The following SPINK5 variants were observed in gnomAD, a reference collection of about 807,000 sequenced individuals.
The protein encoded by SPINK5 is serine protease inhibitor Kazal-type 5.
Under a neutral mutation model 151.8 loss-of-function variants are expected in SPINK5, and 125 were observed. That is an observed-to-expected ratio of 0.82 (90% confidence interval 0.71 to 0.96). The LOEUF (loss-of-function observed/expected upper bound fraction) is 0.96. SPINK5 is among the 40% of genes least tolerant of loss of function. The probability of loss-of-function intolerance (pLI) is 0.00; values close to 1 mark genes in which losing one functional copy is unlikely to be tolerated. For missense variants in SPINK5, 1,194 were observed against 1,291.9 expected (o/e 0.92, Z 1.16); for synonymous variants, 374 against 395.3 (o/e 0.95, Z 0.64).
At chr5:148,067,027 G>T (rs953494098) in intron 2 of SPINK5, among the ~76,000 whole-genome samples, 1 of 152,126 alleles carries the variant, frequency 6.6e-6, no homozygotes, top group Non-Finnish European at 1.5e-5. Context: ...AGTAGCTTGG[G>T]TTCCTTTCAG....
Position 148,120,324 on chromosome 5 carries a change from AAG to A in SPINK5, c.2474_2475del (p.Glu825GlyfsTer2). On this transcript the variant is annotated frameshift_variant, in exon 26 of 33. Transcript: ENST00000256084. LOFTEE classifies it high-confidence loss of function. ...AGGGAAGCAGCTGAAAAAAAAAAGA[AAG>A]AGGATGAAGACAGGAGCAATACAGG... 6.2e-7 allele frequency: 1 copy of A among 1,605,130 alleles called. No individual in the cohort carries two copies.
At chr5:148,136,244 G>T (rs967443689) in intron 32 of SPINK5, among the ~76,000 whole-genome samples, 3 of 152,112 alleles carry the variant, frequency 2.0e-5, no homozygotes, top group Admixed American at 6.6e-5. Flanking sequence ...ATATTATTTT[G>T]TGAGATAAAT....
At chr5:148,071,666 G>A (rs1022930851) in intron 3 of SPINK5, among the ~76,000 whole-genome samples, 4 of 78,738 alleles carry the variant, frequency 5.1e-5, no homozygotes, top group African/African-American at 3.5e-4. Context: ...AATTATGTTA[G>A]AATAAAATTT....
At chr5:148,099,150 G>A (rs1475299274) in intron 11 of SPINK5, 84 bp from the exon 12 acceptor site, 10 of 1,286,222 alleles carry the variant, frequency 7.8e-6, no homozygotes, top group African/African-American at 1.5e-5. Context: ...TAAGGAGGGA[G>A]AACAGTTAAC....
rs1032490275 is a variant in SPINK5, at chr5:148,136,197, A to G, written c.3187-786A>G. 2.0e-5 allele frequency among the ~76,000 whole-genome samples: 3 copies of G among 152,298 alleles called. No individual in the cohort carries two copies. The East Asian group carries it at 5.8e-4, about 29-fold the overall frequency. On this transcript the variant is annotated intron_variant, in intron 32 of 32. Coordinates refer to ENST00000256084, the MANE Select transcript of SPINK5 (RefSeq NM_006846.4). ...TATCTCAATTAAAAGATGATTTGCT[A>G]TATTGGAAGGAAATTTCTATATTAA...
At chr5:148,083,639 T>C (rs192687570) in intron 4 of SPINK5, among the ~76,000 whole-genome samples, 32 of 151,706 alleles carry the variant, frequency 2.1e-4, no homozygotes, top group Admixed American at 9.8e-4. Flanking sequence ...GTTAATCCAC[T>C]CTCCATATAT....
At position 148,094,375 on chromosome 5, in the gene SPINK5, A is replaced by C. The variant is rs1753397618; in HGVS notation, c.688A>C (p.Lys230Gln). 1.9e-6 allele frequency: 3 copies of C among 1,612,598 alleles called. No individual in the cohort carries two copies. Among genetic ancestry groups the C allele is most frequent in the Non-Finnish European group, 8.5e-7 (1 of 1,178,950 alleles). Residue 230 changes from lysine to glutamine, a missense_variant, in exon 9 of 33, where the codon AAA becomes CAA. Physicochemically the swap from Lys to Gln is moderately conservative, Grantham distance 53 (BLOSUM62 1). Transcript: ENST00000256084. The part of the protein sequence containing the change: ...AEKDFCKEYE[K>Q]QVRNGRLFCT... Reference sequence around the variant, plus strand: ...AAAGGATTTTTGCAAGGAATATGAAAAACAAGTGAGAAATGGAAGGCTTTT... The same window carrying C: ...AAAGGATTTTTGCAAGGAATATGAACAACAAGTGAGAAATGGAAGGCTTTT...
intron 13 of SPINK5, 27 bp from the exon 14 acceptor site, chr5:148,101,328 T>G: frequency 6.6e-7 from 1 of 1,506,170 alleles, no homozygotes; most frequent in Non-Finnish European, 9.2e-7. Flanking sequence ...GATTTTTACT[T>G]ATCTCTTCTT....
rs1459622786 is a variant in SPINK5, at chr5:148,082,898, C to T, written c.283-3507C>T. Among the ~76,000 whole-genome samples the T allele has an allele frequency of 1.5e-4, 2 of 13,780 alleles. 1 individual carries two copies. The highest frequency in any genetic ancestry group is 2.1e-4 in the Non-Finnish European group (2 of 9,350). 9.0% of individuals were successfully genotyped at this position (13,780 alleles called of 152,430 possible). A position where few individuals can be genotyped will look rare whatever the true frequency, so the allele number is the denominator to read the frequency against. On this transcript the variant is annotated intron_variant, in intron 4 of 32. Coordinates refer to ENST00000256084, the MANE Select transcript of SPINK5 (RefSeq NM_006846.4). ...TGCTGGGATTACAGGCGTGAGCCAC[C>T]GCGCCCGGCCTATATATTCTTAAAA...
At chr5:148,117,885 T>C (rs1389641125) in intron 22 of SPINK5, among the ~76,000 whole-genome samples, 1 of 152,200 alleles carries the variant, frequency 6.6e-6, no homozygotes, top group Non-Finnish European at 1.5e-5. Context: ...AATTCAGTCA[T>C]ATTTATAATT....
At chr5:148,069,485 G>GAGAGAA (rs1752679506) in intron 2 of SPINK5, among the ~76,000 whole-genome samples, 1 of 151,936 alleles carries the variant, frequency 6.6e-6, no homozygotes, top group East Asian at 1.9e-4. Context: ...GAGAGAAAGA[G>GAGAGAA]AGAGAAAGAG....
Position 148,111,968 on chromosome 5 carries a change from A to G in SPINK5, c.1820+73A>G, listed in dbSNP as rs947417169. 10 of 1,610,382 alleles carry G rather than the reference A, an allele frequency of 6.2e-6. No individual in the cohort carries two copies. In the African/African-American group the frequency reaches 8.0e-5, roughly 13 times the overall value. On this transcript the variant is annotated intron_variant, in intron 19 of 32. Coordinates refer to ENST00000256084, the MANE Select transcript of SPINK5 (RefSeq NM_006846.4). ...GCATCGGGTGGGCAAGAGGGGTGAC[A>G]TTGGAAGTTTTCTCCAGGAGATAGA...
rs368396254 is a variant in SPINK5 at position 148,076,690 on chromosome 5, A to T, written c.282+4470A>T. 2.6e-4 allele frequency among the ~76,000 whole-genome samples: 39 copies of T among 151,826 alleles called. No individual in the cohort carries two copies. In the South Asian group the frequency reaches 7.9e-3, roughly 31 times the overall value. ...AAAAATGTATTCAGGATACTAAAAA[A>T]AATCATGTTTGAGGGTTCACAAGAA... On this transcript the variant is annotated intron_variant, in intron 4 of 32. Coordinates refer to ENST00000256084, the MANE Select transcript of SPINK5 (RefSeq NM_006846.4).
chr5:148,124,660 G>GTGTT (rs1754381361), intron 27 of SPINK5, 105 bp from the exon 28 acceptor site: 4 of 804,082 alleles, frequency 5.0e-6, no homozygotes, highest in South Asian at 4.7e-5. Flanking sequence ...TAAGAAAACA[G>GTGTT]TGTTAGATTT....
intron 4 of SPINK5, among the ~76,000 whole-genome samples, chr5:148,078,572 A>G (rs577299740): frequency 6.6e-6 from 1 of 150,934 alleles, no homozygotes; most frequent in African/African-American, 2.4e-5. Context: ...TATTAAAATC[A>G]TATATAGTAT....
At chr5:148,118,687 T>A in intron 23 of SPINK5, 123 bp downstream of exon 23, 4 of 1,398,146 alleles carry the variant, frequency 2.9e-6, no homozygotes, top group Non-Finnish European at 3.9e-6. Context: ...TTCCAAATAT[T>A]CTATTTTTTT....
intron 2 of SPINK5, among the ~76,000 whole-genome samples, chr5:148,066,289 C>G (rs904553808): frequency 6.6e-6 from 1 of 152,096 alleles, no homozygotes; most frequent in Non-Finnish European, 1.5e-5. Context: ...GATAGGATGA[C>G]CAATTACTCA....
intron 4 of SPINK5, among the ~76,000 whole-genome samples, chr5:148,084,977 TCTC>T (rs1461176783): frequency 4.6e-4 from 70 of 151,360 alleles, no homozygotes; most frequent in Admixed American, 1.6e-3. Context: ...CATTTTTTTC[TCTC>T]TCTCTCTTTT....
intron 17 of SPINK5, 54 bp downstream of exon 17, chr5:148,107,218 G>T: frequency 6.3e-7 from 1 of 1,578,780 alleles, no homozygotes; most frequent in South Asian, 1.1e-5. Context: ...GATCGCCCCT[G>T]AGTCTCAGAT....
Sources: allele counts gnomAD v4.1 joint callset (sites outside exome capture counted in the v4.1 genomes callset), GRCh38; gene constraint gnomAD v4.1.1; transcripts MANE v1.5; gene names NCBI Gene and HGNC (gene_info 2026-07-23, HGNC 2026-07-21).